The following PDSS1 variants were observed in gnomAD, a reference collection of about 807,000 sequenced individuals.
PDSS1 encodes decaprenyl diphosphate synthase subunit 1.
A neutral mutation model predicts 57.5 loss-of-function variants in PDSS1; 43 were observed. That is an observed-to-expected ratio of 0.75 (90% CI 0.59 to 0.96). The LOEUF (loss-of-function observed/expected upper bound fraction) is 0.96. PDSS1 is among the 50% of genes least tolerant of loss of function. The probability of loss-of-function intolerance (pLI) is 0.00; values close to 1 mark genes in which losing one functional copy is unlikely to be tolerated. For synonymous variants in PDSS1, 175 were observed against 191.3 expected, an observed-to-expected ratio of 0.91 and a Z score of 0.70; for missense variants, 438 against 527.8, an observed-to-expected ratio of 0.83 and a Z score of 1.67.
intron 11 of PDSS1, among the ~76,000 whole-genome samples, chr10:26,744,623 G>A (rs1324795990): frequency 2.0e-5 from 3 of 151,870 alleles, no homozygotes; most frequent in African/African-American, 4.8e-5. Flanking sequence ...TCTTGACGTC[G>A]TGATCCGCCC....
Position 26,711,155 on chromosome 10 carries a change from GT to G in PDSS1, c.467+1392del, listed in dbSNP as rs1467667180. Among the ~76,000 whole-genome samples the G allele has an allele frequency of 2.0e-5, 2 of 98,070 alleles. 1 individual carries two copies. Among genetic ancestry groups the G allele is most frequent in the Non-Finnish European group, 4.8e-5 (2 of 41,952 alleles). 64.3% of individuals were successfully genotyped at this position (98,070 alleles called of 152,430 possible). A position where few individuals can be genotyped will look rare whatever the true frequency, so the allele number is the denominator to read the frequency against. ...ATGGACTCAGTCTCAAAAAAAAAAA[GT>G]TTTTAAAATAAATTAATGAAATGTC... On this transcript the variant is annotated intron_variant, in intron 5 of 11. Coordinates refer to ENST00000376215, the MANE Select transcript of PDSS1 (RefSeq NM_014317.5).
chr10:26,742,605 A>G (rs747159090), intron 11 of PDSS1, 28 bp downstream of exon 11: 4 of 1,420,304 alleles, frequency 2.8e-6, no homozygotes, highest in South Asian at 2.3e-5. Context: ...AAAAAAAGGC[A>G]GCAGCAGGAA....
At chr10:26,726,550 A>G (rs539250107) in intron 8 of PDSS1, among the ~76,000 whole-genome samples, 172 of 152,340 alleles carry the variant, frequency 1.1e-3, no homozygotes, top group Non-Finnish European at 2.0e-3. Flanking sequence ...AGACACACCA[A>G]AAAGAGGGGA....
chr10:26,728,015 G>A (rs78901675), intron 8 of PDSS1, among the ~76,000 whole-genome samples: 11 of 152,300 alleles, frequency 7.2e-5, no homozygotes, highest in South Asian at 2.1e-4. Flanking sequence ...GGCGCGTGCT[G>A]TCTTGTCTGT....
At chr10:26,705,591 A>G (rs1835185936) in intron 4 of PDSS1, among the ~76,000 whole-genome samples, 197 bp downstream of exon 4, 1 of 152,142 alleles carries the variant, frequency 6.6e-6, no homozygotes, top group Non-Finnish European at 1.5e-5. Flanking sequence ...CTCCTGCCTC[A>G]GCCTCCTGAG....
chr10:26,725,005 G>A (rs572880236), intron 8 of PDSS1, among the ~76,000 whole-genome samples: 1 of 152,060 alleles, frequency 6.6e-6, no homozygotes, highest in African/African-American at 2.4e-5. Flanking sequence ...TCCCTCCGCT[G>A]TGCATACACA....
chr10:26,738,506 C>T (rs1367847349), intron 10 of PDSS1, among the ~76,000 whole-genome samples: 1 of 152,236 alleles, frequency 6.6e-6, no homozygotes, highest in Admixed American at 6.5e-5. Flanking sequence ...CCCACCTGGG[C>T]ACTGACGATA....
chr10:26,700,560 C>T (rs930539939), intron 1 of PDSS1, among the ~76,000 whole-genome samples: 1 of 152,040 alleles, frequency 6.6e-6, no homozygotes, highest in African/African-American at 2.4e-5. Flanking sequence ...GGGTGGATTC[C>T]CCCATGCTGT....
At chr10:26,703,295 A>G (rs1419035646) in intron 2 of PDSS1, among the ~76,000 whole-genome samples, 2 of 151,988 alleles carry the variant, frequency 1.3e-5, no homozygotes, top group Admixed American at 1.3e-4. Context: ...AGGGGTCTAT[A>G]ACTGAATAAC....
chr10:26,746,580 A>AAAG lies in PDSS1; in HGVS notation c.*109_*111dup. 2 of 1,234,194 alleles carry AAAG rather than the reference A, an allele frequency of 1.6e-6. No homozygotes were observed. Among genetic ancestry groups the AAAG allele is most frequent in the South Asian group, 2.5e-5 (2 of 80,484 alleles). The allele number at this position is 1,234,194 out of a possible 1,614,324, so 76.5% of individuals were successfully genotyped here. On this transcript the variant is annotated 3_prime_UTR_variant, in exon 12 of 12. Coordinates refer to ENST00000376215, the MANE Select transcript of PDSS1 (RefSeq NM_014317.5). Reference sequence around the variant, plus strand: ...GTGCAGATAACCAAAAATCATTTTAAAAGATATCAAACTTATTGATGGGCA... The same window carrying AAAG: ...GTGCAGATAACCAAAAATCATTTTAAAAGAAGATATCAAACTTATTGATGGGCA...
intron 4 of PDSS1, among the ~76,000 whole-genome samples, chr10:26,707,499 G>A (rs1339410404): frequency 1.3e-5 from 2 of 151,976 alleles, no homozygotes; most frequent in Admixed American, 6.6e-5. Flanking sequence ...CTACTGTAAC[G>A]GACACTTCCT....
chr10:26,735,432 G>A (rs555691508), intron 9 of PDSS1, 34 bp from the exon 10 acceptor site: 63 of 1,444,338 alleles, frequency 4.4e-5, no homozygotes, highest in South Asian at 2.7e-4. Context: ...TTGGCATGGC[G>A]GTGCTCCTTA....
At chr10:26,724,682 A>G (rs1409338981) in intron 8 of PDSS1, among the ~76,000 whole-genome samples, 1 of 152,036 alleles carries the variant, frequency 6.6e-6, no homozygotes, top group Non-Finnish European at 1.5e-5. Context: ...GGTTCAGGCA[A>G]TTCTCCTGCC....
chr10:26,735,737 TG>T (rs1477086493), intron 10 of PDSS1, among the ~76,000 whole-genome samples, 158 bp downstream of exon 10: 3 of 152,156 alleles, frequency 2.0e-5, no homozygotes, highest in Non-Finnish European at 4.4e-5. Flanking sequence ...AGTGAGATGT[TG>T]GGGCTGGTCA....
At chr10:26,709,080 T>G (rs1353120319) in intron 4 of PDSS1, among the ~76,000 whole-genome samples, 1 of 152,160 alleles carries the variant, frequency 6.6e-6, no homozygotes, top group African/African-American at 2.4e-5. Flanking sequence ...GGTGTCTGAT[T>G]CTGTCAGCGG....
rs766969099 is a variant in PDSS1 at position 26,709,638 on chromosome 10, G to T, written c.337G>T (p.Glu113Ter). The stretch of plus-strand genomic sequence containing the variant: ...GTGACACAGAGAAACTTTATTTCAG[G>T]AACTGCTTATATCAACATCAGAACT... ...LKGLYEDIRK[E>*]LLISTSELKE... is the part of the protein sequence containing the mutation. Residue 113 changes from glutamate (E) to a stop codon, truncating the protein, a stop_gained and splice_region_variant, in exon 5 of 12, where the codon GAA (glutamate) becomes TAA (stop). Transcript: ENST00000376215. LOFTEE classifies it high-confidence loss of function. 3.7e-6 allele frequency: 6 copies of T among 1,613,728 alleles called. No individual in the cohort carries two copies. In the Admixed American group the frequency reaches 8.3e-5, roughly 22 times the overall value.
At chr10:26,727,831 A>G (rs1419549812) in intron 8 of PDSS1, among the ~76,000 whole-genome samples, 1 of 152,166 alleles carries the variant, frequency 6.6e-6, no homozygotes, top group Non-Finnish European at 1.5e-5. Flanking sequence ...CTTGTCATCT[A>G]GAACAGTCTT....
intron 8 of PDSS1, among the ~76,000 whole-genome samples, chr10:26,728,072 C>T (rs959323217): frequency 8.5e-5 from 13 of 152,090 alleles, no homozygotes; most frequent in African/African-American, 2.4e-4. Context: ...AGGATACTGT[C>T]GGGCCGGGCA....
chr10:26,735,311 A>G lies in PDSS1; in HGVS notation c.903A>G (p.Ile301Met), dbSNP rs751955353. 1 of 1,608,852 alleles carries G rather than the reference A, an allele frequency of 6.2e-7. No homozygotes were observed. The highest frequency in any genetic ancestry group is 1.7e-5 in the Admixed American group (1 of 60,020). ...IAYQYGKNVG[I>M]AFQLIDDVLD... The stretch of plus-strand genomic sequence containing the variant: ...ATCAGTACGGAAAAAATGTAGGAAT[A>G]GCTTTTCAGGTTAGTATGCTTTTTA... Residue 301 changes from isoleucine (I) to methionine (M), a missense_variant, in exon 9 of 12, where the codon ATA (isoleucine) becomes ATG (methionine). This residue lies in a region of PDSS1 where 284 missense variants were observed against 390.7 expected (regional missense o/e 0.73). Coordinates refer to ENST00000376215, the MANE Select transcript of PDSS1 (RefSeq NM_014317.5).
Sources: gnomAD v4.1 joint callset for allele counts (sites outside exome capture counted in the v4.1 genomes callset) on GRCh38, gnomAD v4.1.1 for gene constraint, gnomAD v4.1.1 regional missense constraint, MANE v1.5 for transcripts, NCBI Gene and HGNC (gene_info 2026-07-23, HGNC 2026-07-21) for gene names.